ACLY: variants seen among roughly 807,000 people sequenced by gnomAD.
The protein encoded by ACLY is ATP-citrate synthase.
In ACLY, 41 loss-of-function variants were observed where a neutral mutation model predicts 133.0. The ratio of observed to expected loss-of-function variants is 0.31; its 90% CI spans 0.24 to 0.40. The LOEUF is 0.40. Among genes scored for constraint, ACLY ranks in the 10% least tolerant of loss-of-function variants. The pLI, the probability that ACLY is intolerant of heterozygous loss-of-function variation, is 1.00. For synonymous variants in ACLY, 495 were observed against 549.3 expected (o/e 0.90, Z 1.38); for missense variants, 1,046 against 1,453.8 (o/e 0.72, Z 4.56).
intron 24 of ACLY, 30 bp downstream of exon 24, chr17:41,871,993 GTGTCCCCAC>G: frequency 6.2e-7 from 1 of 1,611,246 alleles, no homozygotes; most frequent in African/African-American, 1.3e-5. Flanking sequence ...CCAAGGCCCA[GTGTCCCCAC>G]TGTTCACCTC....
chr17:41,892,976 G>A, intron 15 of ACLY, 57 bp downstream of exon 15: 1 of 1,581,298 alleles, frequency 6.3e-7, no homozygotes, highest in Non-Finnish European at 8.6e-7. Context: ...ACTGTGCCCA[G>A]CCCCAAGCTT....
intron 22 of ACLY, 29 bp from the exon 23 acceptor site, chr17:41,873,994 G>A (rs1303075837): frequency 6.4e-7 from 1 of 1,562,142 alleles, no homozygotes; most frequent in Non-Finnish European, 8.7e-7. Flanking sequence ...GAGGGAAGCA[G>A]GGCCCTGGTG....
At chr17:41,897,946 G>GGCTCTCCCTCTCCCGTCTC in intron 12 of ACLY, 107 bp from the exon 13 acceptor site, 1 of 916,400 alleles carries the variant, frequency 1.1e-6, no homozygotes, top group South Asian at 1.7e-5. Context: ...ATTATGCACA[G>GGCTCTCCCTCTCCCGTCTC]CAATGCTCTT....
intron 3 of ACLY, among the ~76,000 whole-genome samples, chr17:41,911,134 G>T (rs1374246495): frequency 6.6e-6 from 1 of 152,210 alleles, no homozygotes; most frequent in Non-Finnish European, 1.5e-5. Flanking sequence ...CAAGGATCCC[G>T]CTTTACCCAT....
intron 3 of ACLY, 39 bp downstream of exon 3, chr17:41,912,381 G>A: frequency 6.2e-7 from 1 of 1,604,852 alleles, no homozygotes; most frequent in Non-Finnish European, 8.5e-7. Context: ...ATTTGCTTCT[G>A]TTACCACACA....
intron 15 of ACLY, 137 bp downstream of exon 15, chr17:41,892,896 C>A: frequency 8.9e-7 from 1 of 1,123,354 alleles, no homozygotes; most frequent in South Asian, 1.6e-5. Flanking sequence ...CAGGGCTGGT[C>A]TCAAACTCCT....
rs371606464 is a variant in ACLY, at chr17:41,885,252, T to C, written c.2072+860A>G. On this transcript the variant is annotated intron_variant, in intron 18 of 28. Coordinates refer to ENST00000352035, the MANE Select transcript of ACLY (RefSeq NM_001096.3). Reference sequence around the variant, plus strand: ...AAACAAGCAGCATTTCCTAGACTTATTCCCTGAGCCTTTGGTCAGGCAGTA... The same window carrying C: ...AAACAAGCAGCATTTCCTAGACTTACTCCCTGAGCCTTTGGTCAGGCAGTA... Among the ~76,000 whole-genome samples, 5 of 152,280 alleles carry C rather than the reference T, an allele frequency of 3.3e-5. No homozygotes were observed. The East Asian group carries it at 9.6e-4, about 29-fold the overall frequency.
chr17:41,897,977 A>G, intron 12 of ACLY, 138 bp from the exon 13 acceptor site: 1 of 705,330 alleles, frequency 1.4e-6, no homozygotes, highest in East Asian at 2.8e-5. Context: ...TTCCAAAAGT[A>G]CTAATAATCC....
intron 14 of ACLY, among the ~76,000 whole-genome samples, chr17:41,893,449 C>A (rs567424582): frequency 6.6e-6 from 1 of 152,322 alleles, no homozygotes; most frequent in African/African-American, 2.4e-5. Context: ...AAGGGCCCCA[C>A]AGTCAAAGAT....
At chr17:41,889,691 T>C (rs943574175) in intron 16 of ACLY, among the ~76,000 whole-genome samples, 3 of 151,938 alleles carry the variant, frequency 2.0e-5, no homozygotes, top group Admixed American at 6.6e-5. Context: ...ATCAATATCC[T>C]AATTTTATTT....
intron 16 of ACLY, among the ~76,000 whole-genome samples, chr17:41,889,355 T>C (rs1244214812): frequency 3.3e-5 from 5 of 150,514 alleles, no homozygotes; most frequent in African/African-American, 9.8e-5. Flanking sequence ...CCCATCTCTA[T>C]TGAAAATACA....
chr17:41,885,955 C>T (rs2049036277), intron 18 of ACLY, among the ~76,000 whole-genome samples, 157 bp downstream of exon 18: 1 of 152,176 alleles, frequency 6.6e-6, no homozygotes, highest in Non-Finnish European at 1.5e-5. Flanking sequence ...TCTGTCAGTC[C>T]TGAGACAAGA....
intron 22 of ACLY, among the ~76,000 whole-genome samples, chr17:41,874,911 TTG>T (rs1291321619): frequency 2.5e-5 from 3 of 122,062 alleles, no homozygotes; most frequent in African/African-American, 6.3e-5. Context: ...GAAGCATTCC[TTG>T]TGTTATAGCA....
rs782677992 is a variant in ACLY at position 41,883,166 on chromosome 17, C to T, written c.2221G>A (p.Val741Ile). ...GCACACGTCCCGATGCACCAGCAGA[C>T]GATGGGCTTAGTGAGGCGGCCCTCC... Reference protein sequence around the residue: ...IKEGRLTKPIVCWCIGTCATM... With the variant: ...IKEGRLTKPIICWCIGTCATM... Residue 741 changes from valine to isoleucine, a missense_variant, in exon 20 of 29, where the codon GTC becomes ATC. Physicochemically the swap from Val to Ile is conservative, Grantham distance 29 (BLOSUM62 3). This residue lies in a region of ACLY where 575 missense variants were observed against 804.2 expected (regional missense o/e 0.71). Transcript: ENST00000352035. 11 of 1,614,070 alleles carry T rather than the reference C, an allele frequency of 6.8e-6. No homozygotes were observed. Among genetic ancestry groups the T allele is most frequent in the South Asian group, 2.2e-5 (2 of 91,086 alleles).
intron 7 of ACLY, 46 bp from the exon 8 acceptor site, chr17:41,906,692 A>G (rs2049729266): frequency 6.5e-7 from 1 of 1,550,206 alleles, no homozygotes; most frequent in Non-Finnish European, 8.9e-7. Flanking sequence ...TACCCCCTTT[A>G]CCAGGTCCCA....
chr17:41,899,435 TA>T (rs2049463974), intron 11 of ACLY, among the ~76,000 whole-genome samples: 1 of 152,150 alleles, frequency 6.6e-6, no homozygotes, highest in African/African-American at 2.4e-5. Context: ...TCTCTGTTCC[TA>T]AACACCCTGA....
Position 41,905,507 on chromosome 17 carries a change from G to A in ACLY, c.1003+15C>T, listed in dbSNP as rs1310386055. On this transcript the variant is annotated intron_variant, in intron 9 of 28. Coordinates refer to ENST00000352035, the MANE Select transcript of ACLY (RefSeq NM_001096.3). ...GGGAAGTGGGGACAGGTATGTGTGT[G>A]TGCAAGTATCTCACCATCTGGGTGC... 4 of 1,614,074 alleles carry A rather than the reference G, an allele frequency of 2.5e-6. No individual in the cohort carries two copies. Among genetic ancestry groups the A allele is most frequent in the Non-Finnish European group, 3.4e-6 (4 of 1,180,020 alleles).
chr17:41,896,090 A>G (rs782318219), intron 14 of ACLY, among the ~76,000 whole-genome samples: 2 of 152,114 alleles, frequency 1.3e-5, no homozygotes, highest in African/African-American at 2.4e-5. Context: ...CCACAACCCC[A>G]GAAAAAGATA....
At chr17:41,898,924 A>G in intron 11 of ACLY, 139 bp from the exon 12 acceptor site, 1 of 842,598 alleles carries the variant, frequency 1.2e-6, no homozygotes, top group Non-Finnish European at 1.8e-6. Context: ...AGGACAAATC[A>G]GCTGTCATAA....
Sources: gnomAD v4.1 joint callset for allele counts (sites outside exome capture counted in the v4.1 genomes callset) on GRCh38, gnomAD v4.1.1 for gene constraint, gnomAD v4.1.1 regional missense constraint, MANE v1.5 for transcripts, NCBI Gene and HGNC (gene_info 2026-07-23, HGNC 2026-07-21) for gene names.